SAMD3: variants seen among roughly 807,000 people sequenced by gnomAD.
The protein encoded by SAMD3 is sterile alpha motif domain containing 3.
A neutral mutation model predicts 58.5 loss-of-function variants in SAMD3; 63 were observed. That is an observed-to-expected ratio of 1.08 (90% CI 0.88 to 1.33). SAMD3 has a LOEUF of 1.33. Ranked by LOEUF, SAMD3 falls within the 40% of genes most tolerant of loss-of-function variation. The pLI is 0.00. For synonymous variants in SAMD3, 220 were observed against 210.3 expected, an observed-to-expected ratio of 1.05 and a Z score of -0.40; for missense variants, 604 against 608.4, an observed-to-expected ratio of 0.99 and a Z score of 0.08.
chr6:130,194,522 C>T (rs188140429), intron 5 of SAMD3, among the ~76,000 whole-genome samples: 1 of 152,270 alleles, frequency 6.6e-6, no homozygotes, highest in East Asian at 1.9e-4. Flanking sequence ...TGAGACAAAC[C>T]CCAGCCACAT....
rs143317369 is a variant in SAMD3 at position 130,243,184 on chromosome 6, T to C, written c.-187-20371A>G. Reference sequence around the variant, plus strand: ...CTTGTCAATTATGTCTCTACTGGAATCTCTAACTACTTTTCTGTCCTGGTA... The same window carrying C: ...CTTGTCAATTATGTCTCTACTGGAACCTCTAACTACTTTTCTGTCCTGGTA... On this transcript the variant is annotated intron_variant, in intron 2 of 13. Transcript: ENST00000368134. 5.5e-3 allele frequency among the ~76,000 whole-genome samples: 835 copies of C among 152,292 alleles called. 6 individuals carry two copies. The highest frequency in any genetic ancestry group is 0.019 in the African/African-American group (792 of 41,548).
At chr6:130,303,718 C>T (rs1775824432) in intron 2 of SAMD3, among the ~76,000 whole-genome samples, 2 of 152,174 alleles carry the variant, frequency 1.3e-5, no homozygotes, top group Admixed American at 6.5e-5. Context: ...ATTCCATCAC[C>T]ATTCACCTAG....
At chr6:130,193,975 C>G (rs938551019) in intron 5 of SAMD3, among the ~76,000 whole-genome samples, 1 of 152,068 alleles carries the variant, frequency 6.6e-6, no homozygotes, top group Admixed American at 6.6e-5. Flanking sequence ...TTCCTTTTCT[C>G]CAGACCCATC....
At chr6:130,235,640 G>C (rs1388072779) in intron 2 of SAMD3, among the ~76,000 whole-genome samples, 2 of 152,168 alleles carry the variant, frequency 1.3e-5, no homozygotes, top group Non-Finnish European at 2.9e-5. Flanking sequence ...TAGGTAAAAA[G>C]ACATTGTGTT....
At chr6:130,191,127 C>T (rs1027067610) in intron 5 of SAMD3, among the ~76,000 whole-genome samples, 6 of 151,562 alleles carry the variant, frequency 4.0e-5, no homozygotes, top group South Asian at 2.1e-4. Flanking sequence ...TCCTGTTTGC[C>T]GACAATGTAA....
downstream of SAMD3, among the ~76,000 whole-genome samples, chr6:130,143,575 T>A (rs543275315): frequency 6.6e-6 from 1 of 152,198 alleles, no homozygotes; most frequent in East Asian, 1.9e-4. Context: ...TAAAAAAAAA[T>A]TAATTTGAAC....
chr6:130,150,445 A>T (rs1467891638), intron 9 of SAMD3, among the ~76,000 whole-genome samples: 2 of 152,176 alleles, frequency 1.3e-5, no homozygotes, highest in East Asian at 3.8e-4. Flanking sequence ...CTAGTGATCC[A>T]CTAGTGGGGA....
intron 2 of SAMD3, among the ~76,000 whole-genome samples, chr6:130,257,514 C>G (rs72986550): frequency 6.6e-6 from 1 of 151,946 alleles, no homozygotes; most frequent in Non-Finnish European, 1.5e-5. Flanking sequence ...ATAAGAAAAC[C>G]CATAAGTCAG....
At position 130,157,125 on chromosome 6, in the gene SAMD3, T is replaced by G. The variant is rs567437063; in HGVS notation, c.823-2100A>C. ...TAAATAAATAAATAAATAATAAAAT[T>G]ACAACAGTTCCATAATTTTACTTGG... is the stretch of plus-strand genomic sequence containing the variant. On this transcript the variant is annotated intron_variant, in intron 8 of 11. Coordinates refer to ENST00000439090, the MANE Select transcript of SAMD3 (RefSeq NM_001017373.4). Among the ~76,000 whole-genome samples, 62 of 151,016 alleles carry G rather than the reference T, an allele frequency of 4.1e-4. 1 individual carries two copies. The Middle Eastern group carries it at 0.017, about 42-fold the overall frequency.
chr6:130,236,780 T>C (rs1388420365), intron 2 of SAMD3, among the ~76,000 whole-genome samples: 1 of 152,256 alleles, frequency 6.6e-6, no homozygotes, highest in African/African-American at 2.4e-5. Flanking sequence ...TGGTGTTTTG[T>C]CATTTGCATT....
intron 2 of SAMD3, among the ~76,000 whole-genome samples, chr6:130,273,451 C>T (rs1774644957): frequency 6.6e-6 from 1 of 152,050 alleles, no homozygotes; most frequent in South Asian, 2.1e-4. Context: ...ACCATTTAAT[C>T]ACTCTATGTC....
chr6:130,273,104 G>A (rs1396912964), intron 2 of SAMD3, among the ~76,000 whole-genome samples: 3 of 151,830 alleles, frequency 2.0e-5, no homozygotes, highest in Non-Finnish European at 4.4e-5. Flanking sequence ...TGGCTCTGAG[G>A]TGACATGAAG....
rs374249228 is a variant in SAMD3, at chr6:130,207,586, G to A, written c.383+1909C>T. 1.2e-4 allele frequency among the ~76,000 whole-genome samples: 18 copies of A among 152,238 alleles called. No individual in the cohort carries two copies. The East Asian group carries it at 3.1e-3, about 26-fold the overall frequency. On this transcript the variant is annotated intron_variant, in intron 5 of 11. Coordinates refer to ENST00000439090, the MANE Select transcript of SAMD3 (RefSeq NM_001017373.4). ...GTTGAGAGCTCATGGCTTACTACAT[G>A]CACCTGGAGCCAATCACGGGAAAGC...
intron 5 of SAMD3, among the ~76,000 whole-genome samples, chr6:130,198,798 A>C (rs1056698317): frequency 6.6e-6 from 1 of 152,156 alleles, no homozygotes. Context: ...GACACGCCAA[A>C]AATAAACCCT....
At chr6:130,302,658 C>CA (rs369248150) in intron 2 of SAMD3, among the ~76,000 whole-genome samples, 1 of 152,268 alleles carries the variant, frequency 6.6e-6, no homozygotes, top group African/African-American at 2.4e-5. Context: ...TTCACAATTG[C>CA]AAAGACATGG....
chr6:130,197,984 C>T (rs1794296088), intron 5 of SAMD3, among the ~76,000 whole-genome samples: 1 of 152,088 alleles, frequency 6.6e-6, no homozygotes, highest in Non-Finnish European at 1.5e-5. Context: ...AATTCCTCCT[C>T]CTGGCTCATC....
At chr6:130,252,404 T>G (rs1321524) in intron 2 of SAMD3, among the ~76,000 whole-genome samples, 18,796 of 152,182 alleles carry the variant, frequency 0.12, 2,976 homozygotes, top group African/African-American at 0.37. Flanking sequence ...GAAATAGATA[T>G]TTGTTCATAA....
intron 2 of SAMD3, among the ~76,000 whole-genome samples, chr6:130,268,534 A>T (rs1357995096): frequency 6.6e-6 from 1 of 152,200 alleles, no homozygotes; most frequent in Non-Finnish European, 1.5e-5. Flanking sequence ...AGCAACTTCT[A>T]GCCTTGCAAG....
intron 2 of SAMD3, among the ~76,000 whole-genome samples, chr6:130,261,866 A>G (rs944447515): frequency 1.3e-5 from 2 of 152,108 alleles, no homozygotes; most frequent in African/African-American, 4.8e-5. Context: ...GTTCCCATAC[A>G]TAGACACTTG....
Sources: gnomAD v4.1 joint callset for allele counts (sites outside exome capture counted in the v4.1 genomes callset) on GRCh38, gnomAD v4.1.1 for gene constraint, MANE v1.5 for transcripts, NCBI Gene and HGNC (gene_info 2026-07-23, HGNC 2026-07-21) for gene names.